SLC35F3: variants seen among roughly 807,000 people sequenced by gnomAD.
SLC35F3 encodes putative thiamine transporter SLC35F3.
Under a neutral mutation model 49.9 loss-of-function variants are expected in SLC35F3, and 25 were observed. That is an observed-to-expected ratio of 0.50 (90% CI 0.37 to 0.70). SLC35F3 has a LOEUF of 0.70. SLC35F3 is among the 30% of genes least tolerant of loss of function. The pLI, the probability that SLC35F3 is intolerant of heterozygous loss-of-function variation, is 0.00. For missense variants in SLC35F3, 525 were observed against 639.8 expected (o/e 0.82, Z 1.94); for synonymous variants, 275 against 265.4 (o/e 1.04, Z -0.35).
intron 2 of SLC35F3, among the ~76,000 whole-genome samples, chr1:234,093,540 C>A (rs1665075090): frequency 6.6e-6 from 1 of 152,200 alleles, no homozygotes; most frequent in Non-Finnish European, 1.5e-5. Context: ...AGGTTTTCTC[C>A]TAAAATTGCT....
At position 234,030,400 on chromosome 1, in the gene SLC35F3, C is replaced by A. The variant is rs1301169838; in HGVS notation, c.283+124642C>A. Among the ~76,000 whole-genome samples, 3 of 152,146 alleles carry A rather than the reference C, an allele frequency of 2.0e-5. No homozygotes were observed. In the East Asian group the frequency reaches 5.8e-4, roughly 29 times the overall value. ...ACAGGTGCTCACAGCTCATTCAGTA[C>A]AGAGGACTGTCCTGGCTCTGAGTCT... On this transcript the variant is annotated intron_variant, in intron 2 of 7. Transcript: ENST00000366618.
At chr1:233,934,300 TC>T (rs1337637959) in intron 2 of SLC35F3, among the ~76,000 whole-genome samples, 1 of 152,196 alleles carries the variant, frequency 6.6e-6, no homozygotes, top group Non-Finnish European at 1.5e-5. Flanking sequence ...CTAAGACACT[TC>T]CCCACTTTCT....
At chr1:234,135,185 C>G (rs1236154263) in intron 2 of SLC35F3, among the ~76,000 whole-genome samples, 7 of 152,134 alleles carry the variant, frequency 4.6e-5, no homozygotes, top group Non-Finnish European at 1.0e-4. Context: ...ATACAGTGAA[C>G]AGCTAGCCCA....
chr1:234,281,649 T>G (rs960761014), intron 3 of SLC35F3, among the ~76,000 whole-genome samples: 17 of 152,206 alleles, frequency 1.1e-4, no homozygotes, highest in Non-Finnish European at 2.2e-4. Context: ...GATAAATCTA[T>G]GCAAACAAAG....
At chr1:234,153,330 A>G (rs1343852989) in intron 2 of SLC35F3, among the ~76,000 whole-genome samples, 2 of 152,174 alleles carry the variant, frequency 1.3e-5, no homozygotes, top group African/African-American at 2.4e-5. Context: ...ATAAAAATGG[A>G]GGAACAGGTG....
intron 3 of SLC35F3, among the ~76,000 whole-genome samples, chr1:234,267,414 G>A (rs1185597557): frequency 1.9e-4 from 27 of 140,014 alleles, no homozygotes; most frequent in African/African-American, 6.9e-4. Flanking sequence ...AGACGGGGTC[G>A]TGGCCGGGCA....
chr1:234,232,647 C>T (rs1479614244), intron 3 of SLC35F3, among the ~76,000 whole-genome samples: 4 of 151,880 alleles, frequency 2.6e-5, no homozygotes, highest in Non-Finnish European at 5.9e-5. Flanking sequence ...ATTTAAGAGT[C>T]TTCATTCCTT....
At chr1:233,937,958 A>C (rs776448574) in intron 2 of SLC35F3, among the ~76,000 whole-genome samples, 1 of 152,096 alleles carries the variant, frequency 6.6e-6, no homozygotes, top group Non-Finnish European at 1.5e-5. Context: ...AATTAGTTGA[A>C]AGTAGTTTGC....
In SLC35F3 at chr1:234,316,739, G is replaced by A. The variant is rs1321395022; in HGVS notation, c.954+12G>A. The A allele has an allele frequency of 3.1e-6, 5 of 1,590,488 alleles. No individual in the cohort carries two copies. In the African/African-American group the frequency reaches 5.4e-5, roughly 17 times the overall value. On this transcript the variant is annotated intron_variant, in intron 5 of 7. Transcript: ENST00000366618. ...CTGCCCTCTACAAGGTACGCCCGGG[G>A]AGTGAACTTTCTCAGCTGGCTGGGC...
intron 2 of SLC35F3, among the ~76,000 whole-genome samples, chr1:234,045,747 C>G (rs1297952447): frequency 6.6e-6 from 1 of 151,366 alleles, no homozygotes; most frequent in African/African-American, 2.4e-5. Context: ...ATTACAGATA[C>G]AATTGTGACC....
In SLC35F3 at chr1:234,246,741, C is replaced by T. The variant is rs117653406; in HGVS notation, c.608+15000C>T. On this transcript the variant is annotated intron_variant, in intron 3 of 7. Coordinates refer to ENST00000366618, the MANE Select transcript of SLC35F3 (RefSeq NM_173508.4). ...GGACCTAGCATTAATAAAAACCACA[C>T]GTAAAACAGAAACAGCCATATGCTG... Among the ~76,000 whole-genome samples the T allele has an allele frequency of 5.6e-3, 852 of 152,288 alleles. 22 individuals carry two copies. Among genetic ancestry groups the T allele is most frequent in the South Asian group, 0.056 (270 of 4,828 alleles).
chr1:234,279,874 C>T (rs574537345), intron 3 of SLC35F3, among the ~76,000 whole-genome samples: 1 of 152,310 alleles, frequency 6.6e-6, no homozygotes, highest in South Asian at 2.1e-4. Flanking sequence ...TTCTCCATCC[C>T]ATCAAATTAG....
intron 2 of SLC35F3, among the ~76,000 whole-genome samples, chr1:233,946,416 T>A (rs1662514848): frequency 6.6e-6 from 1 of 152,236 alleles, no homozygotes; most frequent in African/African-American, 2.4e-5. Flanking sequence ...AAATAAAAAT[T>A]AAGAAAAGAT....
intron 2 of SLC35F3, among the ~76,000 whole-genome samples, chr1:233,997,979 T>C (rs1663487727): frequency 6.6e-6 from 1 of 152,180 alleles, no homozygotes; most frequent in Admixed American, 6.5e-5. Context: ...CTCGAACTCC[T>C]GACCTCAGGT....
chr1:233,905,814 C>A (rs1336095686), intron 2 of SLC35F3, 56 bp downstream of exon 2: 17 of 1,494,978 alleles, frequency 1.1e-5, no homozygotes, highest in Non-Finnish European at 1.8e-6. Flanking sequence ...TTACCATTGT[C>A]ACAGCAGCCT....
At chr1:234,244,578 T>A (rs183515714) in intron 3 of SLC35F3, among the ~76,000 whole-genome samples, 2 of 151,998 alleles carry the variant, frequency 1.3e-5, no homozygotes, top group African/African-American at 4.8e-5. Context: ...AGCCCTTGAA[T>A]GACAAAGTAA....
chr1:233,947,033 G>A (rs1662523149), intron 2 of SLC35F3, among the ~76,000 whole-genome samples: 2 of 152,186 alleles, frequency 1.3e-5, no homozygotes, highest in Non-Finnish European at 2.9e-5. Flanking sequence ...GGTCATTTGG[G>A]AGCAGTGGGT....
At chr1:234,312,299 C>A (rs149738524) in intron 4 of SLC35F3, among the ~76,000 whole-genome samples, 2 of 152,146 alleles carry the variant, frequency 1.3e-5, no homozygotes, top group Admixed American at 6.5e-5. Context: ...CCAGGAGGGA[C>A]GGGGGAAGGA....
chr1:233,990,155 G>A (rs1663329014), intron 2 of SLC35F3, among the ~76,000 whole-genome samples: 1 of 151,976 alleles, frequency 6.6e-6, no homozygotes, highest in African/African-American at 2.4e-5. Flanking sequence ...TCCTCTTTAG[G>A]TTTTTCATCC....
Sources: gnomAD v4.1 joint callset for allele counts (sites outside exome capture counted in the v4.1 genomes callset) on GRCh38, gnomAD v4.1.1 for gene constraint, MANE v1.5 for transcripts, NCBI Gene and HGNC (gene_info 2026-07-23, HGNC 2026-07-21) for gene names.